Variants in ASTN2 observed in about 807,000 individuals in gnomAD.
The protein encoded by ASTN2 is astrotactin-2.
Under a neutral mutation model 139.8 loss-of-function variants are expected in ASTN2, and 54 were observed. That is an observed-to-expected ratio of 0.39 (90% CI 0.31 to 0.48). The LOEUF (loss-of-function observed/expected upper bound fraction) is 0.48, where lower values mean the gene tolerates loss of function less well. Among genes scored for constraint, ASTN2 ranks in the 20% least tolerant of loss-of-function variants. ASTN2 has a pLI of 0.95. For synonymous variants in ASTN2, 756 were observed against 719.5 expected (o/e 1.05, Z -0.81); for missense variants, 1,565 against 1,725.1 (o/e 0.91, Z 1.64).
intron 19 of ASTN2, among the ~76,000 whole-genome samples, chr9:116,551,948 C>G (rs969393860): frequency 1.3e-5 from 2 of 152,170 alleles, no homozygotes; most frequent in Non-Finnish European, 2.9e-5. Context: ...ATTTGTAGCT[C>G]TATCCATAAT....
intron 17 of ASTN2, among the ~76,000 whole-genome samples, chr9:116,627,622 A>G (rs1328161000): frequency 6.6e-6 from 1 of 152,168 alleles, no homozygotes; most frequent in Non-Finnish European, 1.5e-5. Flanking sequence ...GCCCCATTTT[A>G]TAGATTAGGA....
intron 6 of ASTN2, among the ~76,000 whole-genome samples, chr9:117,015,044 C>T (rs1357454074): frequency 6.6e-6 from 1 of 152,082 alleles, no homozygotes; most frequent in East Asian, 1.9e-4. Flanking sequence ...GTTGAAACAG[C>T]TCTAACTCAC....
At chr9:116,480,870 A>T (rs561886353) in intron 20 of ASTN2, among the ~76,000 whole-genome samples, 1 of 152,264 alleles carries the variant, frequency 6.6e-6, no homozygotes, top group South Asian at 2.1e-4. Flanking sequence ...ACCTGCTGGA[A>T]GGCTGTGAAC....
At chr9:117,146,048 G>A (rs1830186647) in intron 3 of ASTN2, among the ~76,000 whole-genome samples, 1 of 152,134 alleles carries the variant, frequency 6.6e-6, no homozygotes, top group Admixed American at 6.5e-5. Flanking sequence ...ACAGTGCCAA[G>A]AGCCCAGGCA....
At chr9:116,676,821 G>T (rs1176491566) in intron 16 of ASTN2, among the ~76,000 whole-genome samples, 1 of 152,168 alleles carries the variant, frequency 6.6e-6, no homozygotes, top group Non-Finnish European at 1.5e-5. Flanking sequence ...TATTAGTGTA[G>T]CATTGCCATT....
chr9:117,200,269 C>T (rs962944302), intron 3 of ASTN2, among the ~76,000 whole-genome samples: 4 of 146,750 alleles, frequency 2.7e-5, no homozygotes, highest in Non-Finnish European at 4.5e-5. Flanking sequence ...GTGTGATGTT[C>T]GATGGGGTTT....
chr9:117,409,511 G>A (rs1343572459), intron 1 of ASTN2, among the ~76,000 whole-genome samples: 1 of 152,184 alleles, frequency 6.6e-6, no homozygotes. Context: ...CAGCATACTG[G>A]GTTGTTGGAC....
rs972793273 is a variant in ASTN2, at chr9:116,510,244, C to A, written c.3356-22744G>T. Among the ~76,000 whole-genome samples the A allele has an allele frequency of 7.2e-5, 11 of 152,348 alleles. No individual in the cohort carries two copies. The South Asian group carries it at 1.7e-3, about 23-fold the overall frequency. The stretch of plus-strand genomic sequence containing the variant: ...GCATATGGCTAGCCAGTTTTCCCAG[C>A]ACCATTTGTTAAATAGGGAATCCTT... On this transcript the variant is annotated intron_variant, in intron 19 of 22. Transcript: ENST00000313400.
chr9:117,246,851 C>G (rs569473440), intron 2 of ASTN2, among the ~76,000 whole-genome samples: 2 of 152,060 alleles, frequency 1.3e-5, no homozygotes, highest in African/African-American at 4.8e-5. Flanking sequence ...CAGTAATCAC[C>G]AAAGGACAGG....
chr9:117,308,216 TC>T (rs2130810358), intron 1 of ASTN2, among the ~76,000 whole-genome samples: 1 of 68,336 alleles, frequency 1.5e-5, no homozygotes, highest in Admixed American at 1.7e-4. Flanking sequence ...TGGGGCAAAA[TC>T]AATCAATCAA....
At chr9:117,306,491 G>C (rs961824615) in intron 1 of ASTN2, among the ~76,000 whole-genome samples, 10 of 152,120 alleles carry the variant, frequency 6.6e-5, no homozygotes, top group Admixed American at 5.9e-4. Flanking sequence ...TGTTTCACCC[G>C]GGGAACGCAC....
chr9:116,586,831 T>C (rs9409182), intron 19 of ASTN2, among the ~76,000 whole-genome samples: 80,402 of 133,320 alleles, frequency 0.6, 22,667 homozygotes, highest in East Asian at 0.74. Flanking sequence ...CACACATACA[T>C]ACACACACAC....
At chr9:117,368,661 C>T (rs1041068029) in intron 1 of ASTN2, among the ~76,000 whole-genome samples, 2 of 152,080 alleles carry the variant, frequency 1.3e-5, no homozygotes, top group African/African-American at 2.4e-5. Context: ...CTATACTATT[C>T]GTCAGAACTC....
intron 19 of ASTN2, among the ~76,000 whole-genome samples, chr9:116,519,367 T>C (rs542429145): frequency 7.3e-5 from 11 of 151,712 alleles, no homozygotes; most frequent in Non-Finnish European, 1.5e-4. Context: ...CTCAAAACCA[T>C]GCAAATACAT....
At chr9:117,256,294 A>C (rs887085959) in intron 2 of ASTN2, among the ~76,000 whole-genome samples, 1 of 152,098 alleles carries the variant, frequency 6.6e-6, no homozygotes, top group Non-Finnish European at 1.5e-5. Flanking sequence ...TAGCACATAC[A>C]CTAAATGCTG....
chr9:116,578,829 T>G (rs904047498), intron 19 of ASTN2: 5 of 152,132 alleles, frequency 3.3e-5, no homozygotes, highest in Non-Finnish European at 2.9e-5. Flanking sequence ...ATAAAGTTAT[T>G]ATTGTCCACA....
chr9:117,011,850 A>G lies in ASTN2; in HGVS notation c.1424-3591T>C, dbSNP rs141397475. Reference sequence around the variant, plus strand: ...ATTTTTCAGCCTTCGAAGCTGGAACATTTGCCTTTCTTCAAGCTATCTTGA... The same window carrying G: ...ATTTTTCAGCCTTCGAAGCTGGAACGTTTGCCTTTCTTCAAGCTATCTTGA... On this transcript the variant is annotated intron_variant, in intron 6 of 22. Transcript: ENST00000313400. 7.9e-3 allele frequency among the ~76,000 whole-genome samples: 1,198 copies of G among 152,202 alleles called. 14 individuals carry two copies. The highest frequency in any genetic ancestry group is 0.034 in the Middle Eastern group (10 of 294).
intron 10 of ASTN2, among the ~76,000 whole-genome samples, chr9:116,873,768 G>A (rs759217154): frequency 2.6e-5 from 4 of 152,066 alleles, no homozygotes; most frequent in African/African-American, 4.8e-5. Context: ...TACTGTTCTC[G>A]TGATAGTGAG....
intron 19 of ASTN2, among the ~76,000 whole-genome samples, chr9:116,502,759 G>C (rs148700174): frequency 1.5e-5 from 1 of 65,070 alleles, no homozygotes; most frequent in African/African-American, 5.9e-5. Flanking sequence ...GGGAAGGAAG[G>C]AGAGAAGGAA....
Sources: allele counts gnomAD v4.1 joint callset (sites outside exome capture counted in the v4.1 genomes callset), GRCh38; gene constraint gnomAD v4.1.1; transcripts MANE v1.5; gene names NCBI Gene and HGNC (gene_info 2026-07-23, HGNC 2026-07-21).